ALCAM: variants seen among roughly 807,000 people sequenced by gnomAD.
ALCAM encodes the protein activated leukocyte cell adhesion molecule.
ALCAM carries 30 observed loss-of-function variants against 70.9 expected under a neutral mutation model. That is an observed-to-expected ratio of 0.42 (90% CI 0.32 to 0.57). The LOEUF (loss-of-function observed/expected upper bound fraction) is 0.57, where lower values mean the gene tolerates loss of function less well. ALCAM is among the 20% of genes least tolerant of loss of function. The probability of loss-of-function intolerance (pLI) is 0.11; values close to 1 mark genes in which losing one functional copy is unlikely to be tolerated. For synonymous variants in ALCAM, 249 were observed against 242.5 expected (o/e 1.03, Z -0.25); for missense variants, 591 against 695.1 (o/e 0.85, Z 1.68).
chr3:105,490,653 A>G (rs981627965), intron 1 of ALCAM, among the ~76,000 whole-genome samples: 4 of 152,178 alleles, frequency 2.6e-5, no homozygotes, highest in Non-Finnish European at 5.9e-5. Context: ...TGCCCCATGC[A>G]AGTACAAACT....
intron 1 of ALCAM, among the ~76,000 whole-genome samples, chr3:105,474,742 T>C (rs1938051277): frequency 6.6e-6 from 1 of 151,798 alleles, no homozygotes. Context: ...TCATTGACAA[T>C]GAACATACTA....
chr3:105,484,677 C>T (rs1163955586), intron 1 of ALCAM, among the ~76,000 whole-genome samples: 1 of 152,028 alleles, frequency 6.6e-6, no homozygotes, highest in Non-Finnish European at 1.5e-5. Context: ...AGGGTCAGGC[C>T]AATCAAAGGA....
At chr3:105,441,137 C>T (rs796634473) in intron 1 of ALCAM, among the ~76,000 whole-genome samples, 8 of 152,148 alleles carry the variant, frequency 5.3e-5, no homozygotes, top group African/African-American at 1.7e-4. Context: ...GAGTATTTGC[C>T]AAAGGCCAAT....
chr3:105,459,431 T>C (rs368970470), intron 1 of ALCAM, among the ~76,000 whole-genome samples: 35 of 152,206 alleles, frequency 2.3e-4, no homozygotes, highest in African/African-American at 8.4e-4. Context: ...TATTATCTTG[T>C]TCATCTTGTG....
chr3:105,550,275 C>A lies in ALCAM; in HGVS notation c.1507+16C>A. On this transcript the variant is annotated intron_variant, in intron 12 of 15. Transcript: ENST00000306107. ...GTCTCTGCTAGTGAGTATTTTATTT[C>A]TGGCATTACAAAAGTAAGAAAATTT... 6.3e-7 allele frequency: 1 copy of A among 1,577,432 alleles called. No individual in the cohort carries two copies. Among genetic ancestry groups the A allele is most frequent in the Non-Finnish European group, 8.6e-7 (1 of 1,165,762 alleles).
At chr3:105,491,564 C>G (rs1938587089) in intron 1 of ALCAM, among the ~76,000 whole-genome samples, 1 of 152,214 alleles carries the variant, frequency 6.6e-6, no homozygotes, top group Non-Finnish European at 1.5e-5. Context: ...CTTTTCACAA[C>G]ACCCAAGTCA....
chr3:105,576,788 G>A lies in ALCAM; in HGVS notation c.*2337G>A, dbSNP rs1327713777. On this transcript the variant is annotated 3_prime_UTR_variant, in exon 16 of 16. Transcript: ENST00000306107. ...TTTAACTCTTTGGCAACAGGAAACA[G>A]GTTTTGCAAGTTCAAGGTTCACTCC... 1 of 152,192 alleles carries A rather than the reference G, an allele frequency of 6.6e-6. No individual in the cohort carries two copies. Among genetic ancestry groups the A allele is most frequent in the African/African-American group, 2.4e-5 (1 of 41,440 alleles). The allele number at this position is 152,192 out of a possible 1,614,324, so 9.4% of individuals were successfully genotyped here. A position where few individuals can be genotyped will look rare whatever the true frequency, so the allele number is the denominator to read the frequency against.
Position 105,367,475 on chromosome 3 carries a change from A to T in ALCAM, c.67A>T (p.Arg23Trp), listed in dbSNP as rs762313413. 1 of 1,614,026 alleles carries T rather than the reference A, an allele frequency of 6.2e-7. No individual in the cohort carries two copies. The highest frequency in any genetic ancestry group is 8.5e-7 in the Non-Finnish European group (1 of 1,179,924). Residue 23 changes from arginine (R) to tryptophan (W), a missense_variant, in exon 1 of 16, where the codon AGG becomes TGG. By Grantham distance (101) the Arg-to-Trp change is moderately radical (BLOSUM62 -3). This residue lies in a region of ALCAM where 427 missense variants were observed against 450.4 expected (regional missense o/e 0.95). Transcript: ENST00000306107. The part of the protein sequence containing the change: ...FCLLISATVF[R>W]PGLGWYTVNS... Reference sequence around the variant, plus strand: ...CCTCTTGATCTCCGCCACCGTCTTCAGGCCAGGTGAGCAAGGGCCTGGGAG... The same window carrying T: ...CCTCTTGATCTCCGCCACCGTCTTCTGGCCAGGTGAGCAAGGGCCTGGGAG...
intron 1 of ALCAM, 135 bp downstream of exon 1, chr3:105,367,616 C>G (rs1162231669): frequency 7.1e-6 from 7 of 990,868 alleles, no homozygotes; most frequent in Non-Finnish European, 1.1e-5. Flanking sequence ...TGTCCTGGCA[C>G]AGAGCTGTCC....
At chr3:105,458,058 T>C (rs1379572993) in intron 1 of ALCAM, among the ~76,000 whole-genome samples, 1 of 145,628 alleles carries the variant, frequency 6.9e-6, no homozygotes, top group African/African-American at 2.5e-5. Context: ...TTATAGCTTT[T>C]CCTACTGTAC....
At chr3:105,457,532 T>C (rs1042208661) in intron 1 of ALCAM, among the ~76,000 whole-genome samples, 8 of 152,064 alleles carry the variant, frequency 5.3e-5, no homozygotes, top group African/African-American at 1.9e-4. Context: ...AACCTGCACT[T>C]GTACCCCTGA....
intron 14 of ALCAM, among the ~76,000 whole-genome samples, chr3:105,568,861 A>C (rs1034127558): frequency 9.9e-5 from 15 of 152,172 alleles, no homozygotes; most frequent in Non-Finnish European, 2.1e-4. Flanking sequence ...TATAAGAGTT[A>C]ACAAAGTACA....
At chr3:105,499,544 A>C (rs1938860216) in intron 1 of ALCAM, among the ~76,000 whole-genome samples, 1 of 152,236 alleles carries the variant, frequency 6.6e-6, no homozygotes, top group South Asian at 2.1e-4. Context: ...ATCTTGCTAA[A>C]GAAAAGAAAT....
intron 1 of ALCAM, among the ~76,000 whole-genome samples, chr3:105,451,284 G>A (rs1049552101): frequency 2.7e-5 from 4 of 148,092 alleles, no homozygotes; most frequent in Admixed American, 6.9e-5. Context: ...AGGAAGGAAA[G>A]AAGGAAAGGA....
At chr3:105,469,744 CT>C (rs1559802274) in intron 1 of ALCAM, among the ~76,000 whole-genome samples, 32 of 151,092 alleles carry the variant, frequency 2.1e-4, no homozygotes. Flanking sequence ...TTTTTAACTG[CT>C]GTTATCACCT....
intron 13 of ALCAM, 139 bp from the exon 14 acceptor site, chr3:105,552,329 C>A: frequency 1.5e-6 from 2 of 1,294,714 alleles, no homozygotes; most frequent in Non-Finnish European, 2.2e-6. Context: ...TAAAATTTTA[C>A]CCTTTAAAAA....
intron 1 of ALCAM, among the ~76,000 whole-genome samples, chr3:105,404,331 G>A (rs1263502377): frequency 1.3e-5 from 2 of 152,088 alleles, no homozygotes; most frequent in Non-Finnish European, 2.9e-5. Context: ...AGAGCTGTGA[G>A]GCAAAAGCAT....
At chr3:105,446,365 T>C (rs9834384) in intron 1 of ALCAM, among the ~76,000 whole-genome samples, 3,242 of 152,134 alleles carry the variant, frequency 0.021, 40 homozygotes, top group Middle Eastern at 0.082. Context: ...TCTTATACAC[T>C]GGTGGAAATG....
rs559403377 is a variant in ALCAM at position 105,447,040 on chromosome 3, C to T, written c.74-73027C>T. ...GCCACAAAAAAAAATGATAAATGTG[C>T]GAAGTTATGGATATGCTAAATGCCC... On this transcript the variant is annotated intron_variant, in intron 1 of 15. Coordinates refer to ENST00000306107, the MANE Select transcript of ALCAM (RefSeq NM_001627.4). Among the ~76,000 whole-genome samples the T allele has an allele frequency of 4.6e-5, 7 of 152,054 alleles. No individual in the cohort carries two copies. The East Asian group carries it at 5.8e-4, about 13-fold the overall frequency.
Sources: allele counts gnomAD v4.1 joint callset (sites outside exome capture counted in the v4.1 genomes callset), GRCh38; gene constraint gnomAD v4.1.1; regional missense constraint gnomAD v4.1.1; transcripts MANE v1.5; gene names NCBI Gene and HGNC (gene_info 2026-07-23, HGNC 2026-07-21).